NDUFB2: variants seen among roughly 807,000 people sequenced by gnomAD.
NDUFB2 encodes the protein NADH dehydrogenase [ubiquinone] 1 beta subcomplex subunit 2, mitochondrial.
In NDUFB2, 13 loss-of-function variants were observed where a neutral mutation model predicts 13.4. The observed-to-expected ratio is 0.97, with a 90% CI of 0.63 to 1.54. The LOEUF is 1.54. Among genes scored for constraint, NDUFB2 ranks in the 40% most tolerant of loss-of-function variants. NDUFB2 has a pLI of 0.00. For synonymous variants in NDUFB2, 47 were observed against 50.6 expected (o/e 0.93, Z 0.30); for missense variants, 150 against 139.7 (o/e 1.07, Z -0.37).
intron 1 of NDUFB2, chr7:140,697,189 G>T: frequency 1.6e-6 from 1 of 614,484 alleles, no homozygotes; most frequent in Non-Finnish European, 2.9e-6. Context: ...GGCGGGTGTG[G>T]ACGCTCCTGG....
intron 1 of NDUFB2, chr7:140,702,007 A>C (rs1285617598): frequency 1.4e-6 from 1 of 701,574 alleles, no homozygotes; most frequent in Non-Finnish European, 2.6e-6. Context: ...ACTGTTCACG[A>C]ATCTGTGCAT....
chr7:140,697,766 A>T (rs937776426), intron 1 of NDUFB2, among the ~76,000 whole-genome samples: 1 of 152,152 alleles, frequency 6.6e-6, no homozygotes, highest in Non-Finnish European at 1.5e-5. Context: ...TTATTCTCTT[A>T]ATGCCTCAGT....
intron 1 of NDUFB2, chr7:140,702,083 AAT>A: frequency 1.4e-6 from 1 of 700,688 alleles, no homozygotes; most frequent in Non-Finnish European, 2.6e-6. Flanking sequence ...CATAAAAGAG[AAT>A]ATGGTTTACA....
chr7:140,697,701 T>C (rs989031181), intron 1 of NDUFB2, among the ~76,000 whole-genome samples: 6 of 152,190 alleles, frequency 3.9e-5, no homozygotes, highest in African/African-American at 1.4e-4. Context: ...GCACAGTGGC[T>C]GGGTTCAAAT....
Position 140,696,823 on chromosome 7 carries a change from G to A in NDUFB2, c.79G>A (p.Gly27Arg). Residue 27 changes from glycine to arginine, a missense_variant, in exon 1 of 4, where the codon GGA becomes AGA. Physicochemically the swap from Gly to Arg is moderately radical, Grantham distance 125. Coordinates refer to ENST00000247866, the MANE Select transcript of NDUFB2 (RefSeq NM_004546.3). ...CAGAAGCGGCTGCGCACGGACTGCT[G>A]GAGATGGTGGAGTCCGTCAGTGAGT... ...LFRSGCARTA[G>R]DGGVRHAGGG... The A allele has an allele frequency of 1.9e-6, 3 of 1,608,136 alleles. No individual in the cohort carries two copies. Among genetic ancestry groups the A allele is most frequent in the Non-Finnish European group, 2.5e-6 (3 of 1,177,582 alleles).
At chr7:140,704,769 T>TG (rs1794943072) in intron 2 of NDUFB2, 91 bp from the exon 3 acceptor site, 1 of 894,828 alleles carries the variant, frequency 1.1e-6, no homozygotes, top group African/African-American at 1.7e-5. Flanking sequence ...ATTGTTTTTT[T>TG]TTTTTTCTTT....
intron 3 of NDUFB2, chr7:140,706,019 T>G (rs965781135): frequency 3.4e-5 from 5 of 149,104 alleles, no homozygotes; most frequent in Admixed American, 1.3e-4. Context: ...TTTTATTTTA[T>G]TTTATTTTAG....
At chr7:140,700,553 T>C (rs28533681) in intron 1 of NDUFB2, 45,409 of 149,446 alleles carry the variant, frequency 0.3, 10,667 homozygotes, top group African/African-American at 0.66. Flanking sequence ...CTTTGGGAGG[T>C]CAGGGCAGGC....
intron 1 of NDUFB2, among the ~76,000 whole-genome samples, chr7:140,697,838 G>C (rs1794838506): frequency 6.6e-6 from 1 of 152,160 alleles, no homozygotes; most frequent in East Asian, 1.9e-4. Flanking sequence ...TCTAAAGCGT[G>C]TTTGTGTGTT....
intron 1 of NDUFB2, chr7:140,698,085 C>T: frequency 7.5e-7 from 1 of 1,340,878 alleles, no homozygotes. Flanking sequence ...GAACTGAGGC[C>T]CAGGAAATGA....
rs188746073 is a variant in NDUFB2 at position 140,702,406 on chromosome 7, A to G, written c.99-460A>G. ...TTGTTCAGAGCCATTAGCATATTTA[A>G]TAGGATTTGCGAGTCCTCTCTCCCA... On this transcript the variant is annotated intron_variant, in intron 1 of 3. Coordinates refer to ENST00000247866, the MANE Select transcript of NDUFB2 (RefSeq NM_004546.3). The G allele has an allele frequency of 4.7e-4, 114 of 244,334 alleles. 1 individual carries two copies. Among genetic ancestry groups the G allele is most frequent in the Admixed American group, 3.3e-3 (64 of 19,346 alleles). The allele number at this position is 244,334 out of a possible 1,614,324, so 15.1% of individuals were successfully genotyped here. A position where few individuals can be genotyped will look rare whatever the true frequency, so the allele number is the denominator to read the frequency against.
chr7:140,697,344 C>G, intron 1 of NDUFB2: 1 of 702,912 alleles, frequency 1.4e-6, no homozygotes, highest in Non-Finnish European at 2.6e-6. Context: ...TGAAAAATCA[C>G]TCTGGCTGCA....
intron 1 of NDUFB2, among the ~76,000 whole-genome samples, chr7:140,699,364 TG>T (rs1353064967): frequency 1.3e-5 from 2 of 152,214 alleles, no homozygotes; most frequent in African/African-American, 4.8e-5. Context: ...GGAATTTCTT[TG>T]AGATCGTGCT....
chr7:140,701,627 C>G (rs541703651), intron 1 of NDUFB2, among the ~76,000 whole-genome samples: 11 of 151,224 alleles, frequency 7.3e-5, no homozygotes, highest in African/African-American at 2.4e-4. Context: ...GCGACAGAGC[C>G]TATCTTTAAA....
intron 1 of NDUFB2, chr7:140,697,509 G>A (rs1794831318): frequency 2.3e-6 from 1 of 443,450 alleles, no homozygotes; most frequent in Admixed American, 3.2e-5. Flanking sequence ...GAGGGCTGGG[G>A]GTGCGAGGTA....
intron 2 of NDUFB2, among the ~76,000 whole-genome samples, chr7:140,703,707 T>C (rs565302822): frequency 2.7e-4 from 41 of 152,290 alleles, no homozygotes; most frequent in African/African-American, 9.9e-4. Context: ...GTGGGATGGA[T>C]GTGAGTTAAT....
chr7:140,702,172 G>A (rs983094943), intron 1 of NDUFB2: 34 of 628,912 alleles, frequency 5.4e-5, no homozygotes, highest in Non-Finnish European at 9.7e-5. Context: ...ATCCACTTCT[G>A]TTTATTAGCA....
chr7:140,698,506 G>A (rs1033551471), intron 1 of NDUFB2, among the ~76,000 whole-genome samples: 7 of 152,192 alleles, frequency 4.6e-5, no homozygotes, highest in Non-Finnish European at 8.8e-5. Flanking sequence ...TGGAGAATGC[G>A]TGGTGTGGGA....
chr7:140,701,844 G>C, intron 1 of NDUFB2: 1 of 450,460 alleles, frequency 2.2e-6, no homozygotes. Context: ...GCTGAGGCAG[G>C]AGGATCGCTT....
Sources: allele counts gnomAD v4.1 joint callset (sites outside exome capture counted in the v4.1 genomes callset), GRCh38; gene constraint gnomAD v4.1.1; transcripts MANE v1.5; gene names NCBI Gene and HGNC (gene_info 2026-07-23, HGNC 2026-07-21).